CDH12: variants seen among roughly 807,000 people sequenced by gnomAD.
The protein encoded by CDH12 is cadherin-12.
CDH12 carries 41 observed loss-of-function variants against 74.1 expected under a neutral mutation model. The ratio of observed to expected loss-of-function variants is 0.55; its 90% CI spans 0.43 to 0.72. The LOEUF is 0.72. Ranked by LOEUF, CDH12 falls within the 30% of genes least tolerant of loss-of-function variation. The pLI, the probability that CDH12 is intolerant of heterozygous loss-of-function variation, is 0.00. For missense variants in CDH12, 945 were observed against 977.2 expected (o/e 0.97, Z 0.44); for synonymous variants, 399 against 355.0 (o/e 1.12, Z -1.39).
chr5:22,740,017 G>A (rs1388998448), intron 1 of CDH12, among the ~76,000 whole-genome samples: 1 of 152,058 alleles, frequency 6.6e-6, no homozygotes. Context: ...AAATTCAAAT[G>A]AAACTTGTGA....
At chr5:21,961,127 G>T (rs557715189) in intron 6 of CDH12, among the ~76,000 whole-genome samples, 2 of 151,990 alleles carry the variant, frequency 1.3e-5, no homozygotes, top group East Asian at 3.9e-4. Flanking sequence ...TTTATTTTGA[G>T]CCGATGATTA....
chr5:22,473,155 C>T (rs963619836), intron 2 of CDH12, among the ~76,000 whole-genome samples: 1 of 152,070 alleles, frequency 6.6e-6, no homozygotes, highest in Admixed American at 6.6e-5. Flanking sequence ...TATTGTTCCT[C>T]AATTTTGAAT....
chr5:22,053,170 T>A (rs946934593), intron 5 of CDH12, among the ~76,000 whole-genome samples: 3 of 152,080 alleles, frequency 2.0e-5, no homozygotes, highest in African/African-American at 7.2e-5. Context: ...CGGTGCCTTA[T>A]AAGTCTTGCT....
intron 1 of CDH12, among the ~76,000 whole-genome samples, chr5:22,557,155 A>G (rs1337271203): frequency 1.3e-5 from 2 of 152,098 alleles, no homozygotes; most frequent in Non-Finnish European, 2.9e-5. Flanking sequence ...TTTCTTTGAC[A>G]GCATAAATGT....
intron 1 of CDH12, among the ~76,000 whole-genome samples, chr5:22,850,619 T>C (rs1006156779): frequency 6.6e-6 from 1 of 152,090 alleles, no homozygotes; most frequent in East Asian, 1.9e-4. Flanking sequence ...GATGTAATGA[T>C]CACATGATAA....
At chr5:22,111,791 A>G (rs1744830703) in intron 4 of CDH12, among the ~76,000 whole-genome samples, 1 of 152,186 alleles carries the variant, frequency 6.6e-6, no homozygotes, top group African/African-American at 2.4e-5. Flanking sequence ...ACAAAGAGAA[A>G]GTTCTTACAA....
intron 1 of CDH12, among the ~76,000 whole-genome samples, chr5:22,681,345 T>C (rs404639): frequency 0.065 from 9,906 of 151,384 alleles, 627 homozygotes; most frequent in African/African-American, 0.16. Flanking sequence ...AGGGTAAACT[T>C]CATTCTTAGC....
intron 10 of CDH12, among the ~76,000 whole-genome samples, chr5:21,792,636 C>T (rs1344177215): frequency 7.2e-6 from 1 of 138,074 alleles, no homozygotes; most frequent in Non-Finnish European, 1.5e-5. Flanking sequence ...CAGTCATACA[C>T]GGTTTCTTAC....
At chr5:22,370,502 A>T (rs1264974542) in intron 3 of CDH12, among the ~76,000 whole-genome samples, 1 of 152,214 alleles carries the variant, frequency 6.6e-6, no homozygotes, top group Admixed American at 6.5e-5. Flanking sequence ...ATAATTTATA[A>T]CACATAGGTG....
At chr5:22,202,360 A>G (rs1750975408) in intron 4 of CDH12, among the ~76,000 whole-genome samples, 1 of 152,146 alleles carries the variant, frequency 6.6e-6, no homozygotes, top group Admixed American at 6.5e-5. Context: ...AACAATAAGG[A>G]GAAAGAGATA....
At chr5:22,827,280 C>T (rs572111318) in intron 1 of CDH12, among the ~76,000 whole-genome samples, 9 of 152,286 alleles carry the variant, frequency 5.9e-5, no homozygotes, top group African/African-American at 2.2e-4. Context: ...AGGTCTCCGC[C>T]TAGATTTCAG....
chr5:22,104,936 C>A (rs189943580), intron 4 of CDH12, among the ~76,000 whole-genome samples: 102 of 152,200 alleles, frequency 6.7e-4, no homozygotes, highest in African/African-American at 2.1e-3. Context: ...GTTGCTAGGG[C>A]TGATTTCTTC....
chr5:22,699,353 A>G (rs891445036), intron 1 of CDH12, among the ~76,000 whole-genome samples: 5 of 152,228 alleles, frequency 3.3e-5, no homozygotes, highest in African/African-American at 1.2e-4. Context: ...ATGTTTGTTA[A>G]CACGATTAAC....
At chr5:22,072,215 A>G (rs931338643) in intron 5 of CDH12, among the ~76,000 whole-genome samples, 3 of 152,000 alleles carry the variant, frequency 2.0e-5, no homozygotes, top group African/African-American at 7.2e-5. Context: ...ATGGGTCTTT[A>G]TACTTTTAAG....
At chr5:21,861,674 C>A (rs1037247817) in intron 6 of CDH12, among the ~76,000 whole-genome samples, 10 of 152,012 alleles carry the variant, frequency 6.6e-5, no homozygotes, top group African/African-American at 2.4e-4. Flanking sequence ...CTATTACAAA[C>A]AATTCTGCTA....
chr5:22,528,270 G>GTT (rs1737380198), intron 1 of CDH12, among the ~76,000 whole-genome samples: 1 of 152,098 alleles, frequency 6.6e-6, no homozygotes, highest in East Asian at 1.9e-4. Flanking sequence ...CACTTCCACT[G>GTT]TGAGTAGGGG....
chr5:21,757,079 G>A (rs1194689291), intron 13 of CDH12, among the ~76,000 whole-genome samples: 1 of 152,160 alleles, frequency 6.6e-6, no homozygotes, highest in Non-Finnish European at 1.5e-5. Flanking sequence ...TAGAATGTCT[G>A]GTGTGTCTGC....
chr5:22,477,436 C>T (rs1445959198), intron 2 of CDH12, among the ~76,000 whole-genome samples: 5 of 152,058 alleles, frequency 3.3e-5, no homozygotes, highest in African/African-American at 7.2e-5. Flanking sequence ...TTTATGGCTG[C>T]GTAGTATTTC....
intron 2 of CDH12, among the ~76,000 whole-genome samples, chr5:22,460,715 T>TTTTTTTTTTTTTTTTTTTTTTTTTTTTTC (rs1745470073): frequency 7.4e-6 from 1 of 134,620 alleles, no homozygotes; most frequent in Non-Finnish European, 1.6e-5. Context: ...ATCTAGCAAT[T>TTTTTTTTTTTTTTTTTTTTTTTTTTTTTC]TTTTTTTTTT....
Sources: gnomAD v4.1 joint callset for allele counts (sites outside exome capture counted in the v4.1 genomes callset) on GRCh38, gnomAD v4.1.1 for gene constraint, MANE v1.5 for transcripts, NCBI Gene and HGNC (gene_info 2026-07-23, HGNC 2026-07-21) for gene names.